PARVG: variants seen among roughly 807,000 people sequenced by gnomAD.
PARVG encodes the protein parvin gamma.
A neutral mutation model predicts 44.4 loss-of-function variants in PARVG; 36 were observed. The observed-to-expected ratio is 0.81, with a 90% CI of 0.62 to 1.07. The LOEUF (loss-of-function observed/expected upper bound fraction) is 1.07, where lower values mean the gene tolerates loss of function less well. Among genes scored for constraint, PARVG ranks in the 50% least tolerant of loss-of-function variants. The pLI is 0.00. For missense variants in PARVG, 407 were observed against 407.4 expected (o/e 1.00, Z 0.01); for synonymous variants, 170 against 174.1 (o/e 0.98, Z 0.19).
In PARVG at chr22:44,190,626, C is replaced by G. The variant is rs148232882; in HGVS notation, c.464C>G (p.Ser155Cys). The G allele has an allele frequency of 2.3e-4, 373 of 1,614,146 alleles. 1 individual carries two copies. The African/African-American group carries it at 4.5e-3, about 19-fold the overall frequency. Residue 155 changes from serine to cysteine, a missense_variant, in exon 7 of 14, where the codon TCC becomes TGC. Physicochemically the swap from Ser to Cys is moderately radical, Grantham distance 112 (BLOSUM62 -1). Transcript: ENST00000444313. ...GCCAAGCGCTTCCAGCCCGACCTCT[C>G]CCTCCCAACCAACGTCCAGGTGGAG... Reference protein sequence around the residue: ...ALAKRFQPDLSLPTNVQVEVI... With the variant: ...ALAKRFQPDLCLPTNVQVEVI...
At chr22:44,198,830 G>A in intron 12 of PARVG, 108 bp downstream of exon 12, 1 of 854,432 alleles carries the variant, frequency 1.2e-6, no homozygotes, top group Non-Finnish European at 1.9e-6. Flanking sequence ...GAAGGGTGTA[G>A]GGGAAGCTTA....
intron 12 of PARVG, among the ~76,000 whole-genome samples, chr22:44,199,414 C>A (rs983263607): frequency 2.0e-5 from 3 of 151,940 alleles, no homozygotes; most frequent in Non-Finnish European, 2.9e-5. Flanking sequence ...CACTTGCCTG[C>A]CCATCCACCC....
chr22:44,181,031 C>T lies in PARVG; in HGVS notation c.-343C>T. 1 of 960,480 alleles carries T rather than the reference C, an allele frequency of 1.0e-6. No homozygotes were observed. The highest frequency in any genetic ancestry group is 1.2e-6 in the Non-Finnish European group (1 of 807,166). The allele number at this position is 960,480 out of a possible 1,614,324, so 59.5% of individuals were successfully genotyped here. On this transcript the variant is annotated 5_prime_UTR_variant, in exon 1 of 14. Transcript: ENST00000444313. Reference sequence around the variant, plus strand: ...TTGCATACGCTGTTTTCTCCACCTGCCACGTTCTCACCCCTTCTTCTTCCA... The same window carrying T: ...TTGCATACGCTGTTTTCTCCACCTGTCACGTTCTCACCCCTTCTTCTTCCA...
chr22:44,198,920 A>C (rs2054657594), intron 12 of PARVG, among the ~76,000 whole-genome samples, 198 bp downstream of exon 12: 2 of 92,212 alleles, frequency 2.2e-5, no homozygotes, highest in Non-Finnish European at 5.0e-5. Context: ...CCATCCATCC[A>C]TCTACCCATC....
rs77523953 is a variant in PARVG, at chr22:44,193,856, C to T, written c.583+33C>T. On this transcript the variant is annotated intron_variant, in intron 9 of 13. Transcript: ENST00000444313. ...CTTTCATCATTTTTGGAAATCTGTT[C>T]CTATCTGATGCGTGTTAATGCAGAC... 3.3e-3 allele frequency: 5,279 copies of T among 1,613,294 alleles called. 160 individuals carry two copies. In the African/African-American group the frequency reaches 0.062, roughly 19 times the overall value.
upstream of PARVG, among the ~76,000 whole-genome samples, chr22:44,176,890 G>A (rs2054324118): frequency 6.6e-6 from 1 of 152,122 alleles, no homozygotes. Context: ...ATGGCGGCAG[G>A]CAAAAGAGTG....
chr22:44,177,375 A>G (rs1601723414), upstream of PARVG, among the ~76,000 whole-genome samples: 3 of 152,188 alleles, frequency 2.0e-5, no homozygotes, highest in Admixed American at 6.5e-5. Flanking sequence ...CATTGATACA[A>G]TGGCATTGTC....
At chr22:44,204,317 A>G (rs994352947) in intron 12 of PARVG, among the ~76,000 whole-genome samples, 2 of 152,154 alleles carry the variant, frequency 1.3e-5, no homozygotes, top group East Asian at 3.9e-4. Context: ...TCACCTTCAA[A>G]TCTTGCTTTG....
At chr22:44,180,261 G>A (rs1461092812), upstream of PARVG, among the ~76,000 whole-genome samples, 13 of 152,158 alleles carry the variant, frequency 8.5e-5, no homozygotes, top group South Asian at 1.7e-3. Flanking sequence ...CACCCTCTAG[G>A]TTTTGAAGAA....
intron 1 of PARVG, among the ~76,000 whole-genome samples, chr22:44,174,989 C>T (rs897259668): frequency 7.3e-5 from 11 of 150,434 alleles, no homozygotes; most frequent in African/African-American, 2.4e-4. Context: ...GGGCGTGGTG[C>T]CAGGCACCTG....
intron 12 of PARVG, among the ~76,000 whole-genome samples, chr22:44,201,194 G>A (rs915542091): frequency 1.3e-5 from 2 of 152,106 alleles, no homozygotes; most frequent in South Asian, 2.1e-4. Flanking sequence ...GTCCCTCGGC[G>A]CTCTGTGGGG....
intron 12 of PARVG, among the ~76,000 whole-genome samples, chr22:44,201,668 C>A (rs777509256): frequency 6.6e-6 from 1 of 152,216 alleles, no homozygotes; most frequent in Non-Finnish European, 1.5e-5. Flanking sequence ...TAACAAACCA[C>A]CCGAAAACCT....
At chr22:44,181,328 G>A (rs1271940381) in intron 1 of PARVG, 143 bp downstream of exon 1, 1 of 985,540 alleles carries the variant, frequency 1.0e-6, no homozygotes, top group Non-Finnish European at 1.2e-6. Flanking sequence ...CTCAGCTCAG[G>A]GGCGGGCAGG....
rs1036970549 is a variant in PARVG at position 44,182,764 on chromosome 22, A to T, written c.-12-554A>T. Among the ~76,000 whole-genome samples, 2 of 152,192 alleles carry T rather than the reference A, an allele frequency of 1.3e-5. No homozygotes were observed. Among genetic ancestry groups the T allele is most frequent in the African/African-American group, 2.4e-5 (1 of 41,474 alleles). ...CTCTGGGTCTGCCCCTGTCCCGGGC[A>T]TGTGGTGAGCCCAGCCTTCTGCCTG... is the stretch of plus-strand genomic sequence containing the variant. On this transcript the variant is annotated intron_variant, in intron 2 of 13. Coordinates refer to ENST00000444313, the MANE Select transcript of PARVG (RefSeq NM_022141.7). This position sits in a 1 kb window ranked among gnomAD's most constrained non-coding sequence, Gnocchi z 4.6.
At chr22:44,176,826 G>A (rs1157677923), upstream of PARVG, among the ~76,000 whole-genome samples, 1 of 152,148 alleles carries the variant, frequency 6.6e-6, no homozygotes, top group Non-Finnish European at 1.5e-5. Context: ...CACATGGCTG[G>A]AGAGGCCTCA....
chr22:44,175,444 G>A (rs1300082796), intron 1 of PARVG, among the ~76,000 whole-genome samples: 6 of 152,260 alleles, frequency 3.9e-5, no homozygotes, highest in Non-Finnish European at 7.3e-5. Context: ...GGGCATCTCT[G>A]TTCCTTCCGC....
intron 12 of PARVG, 65 bp from the exon 13 acceptor site, chr22:44,205,692 G>T: frequency 6.3e-7 from 1 of 1,589,618 alleles, no homozygotes; most frequent in South Asian, 1.1e-5. Context: ...CTTGGCACTT[G>T]GGACCCAAGG....
upstream of PARVG, among the ~76,000 whole-genome samples, chr22:44,177,223 T>A (rs1006689215): frequency 2.6e-5 from 4 of 152,234 alleles, no homozygotes; most frequent in African/African-American, 9.6e-5. Flanking sequence ...CACATTTACC[T>A]GGTGATATAT....
chr22:44,193,735 G>T, intron 8 of PARVG, 66 bp from the exon 9 acceptor site: 1 of 1,591,512 alleles, frequency 6.3e-7, no homozygotes, highest in African/African-American at 1.4e-5. Context: ...GTCATATTGA[G>T]AAATTGTAGG....
Sources: gnomAD v4.1 joint callset for allele counts (sites outside exome capture counted in the v4.1 genomes callset) on GRCh38, gnomAD v4.1.1 for gene constraint, Gnocchi (gnomAD v3.1) non-coding constraint, MANE v1.5 for transcripts, NCBI Gene and HGNC (gene_info 2026-07-23, HGNC 2026-07-21) for gene names.